Variants in POGZ observed in about 807,000 individuals in gnomAD.
POGZ encodes pogo transposable element with ZNF domain.
A neutral mutation model predicts 134.6 loss-of-function variants in POGZ; 17 were observed. The observed-to-expected ratio is 0.13, with a 90% CI of 0.09 to 0.19. The LOEUF is 0.19. Among genes scored for constraint, POGZ ranks in the 10% least tolerant of loss-of-function variants. The pLI, the probability that POGZ is intolerant of heterozygous loss-of-function variation, is 1.00. For missense variants in POGZ, 1,306 were observed against 1,769.7 expected (o/e 0.74, Z 4.70); for synonymous variants, 693 against 657.1 (o/e 1.05, Z -0.84).
At chr1:151,408,329 C>G in intron 14 of POGZ, 80 bp downstream of exon 14, 1 of 1,569,188 alleles carries the variant, frequency 6.4e-7, no homozygotes, top group Non-Finnish European at 8.7e-7. Context: ...TGCTAAAAAG[C>G]TACCAGATTG....
chr1:151,405,583 C>A lies in POGZ; in HGVS notation c.3452G>T (p.Gly1151Val). Reference sequence around the variant, plus strand: ...TACATCACACCAAGGTTCCCCTGTGCCCACTGTCTGCAGGGCATTCTCCTT... The same window carrying A: ...TACATCACACCAAGGTTCCCCTGTGACCACTGTCTGCAGGGCATTCTCCTT... ...DRKENALQTV[G>V]TGEPWCDVVL... Residue 1151 changes from glycine (G) to valine (V), a missense_variant, in exon 19 of 19, where the codon GGC becomes GTC. Physicochemically the swap from Gly to Val is moderately radical, Grantham distance 109 (BLOSUM62 -3). Coordinates refer to ENST00000271715, the MANE Select transcript of POGZ (RefSeq NM_015100.4). The surrounding 1 kb of genome is among the most constrained non-coding windows in gnomAD (Gnocchi z 4.9). 6.2e-7 allele frequency: 1 copy of A among 1,614,136 alleles called. No individual in the cohort carries two copies. Among genetic ancestry groups the A allele is most frequent in the East Asian group, 2.2e-5 (1 of 44,888 alleles).
chr1:151,411,846 AC>A, intron 11 of POGZ, 75 bp from the exon 12 acceptor site: 1 of 1,348,800 alleles, frequency 7.4e-7, no homozygotes, highest in Non-Finnish European at 9.9e-7. Context: ...AAAGGTAGCA[AC>A]AAAAATTTTT....
At chr1:151,433,308 T>C (rs1204197507) in intron 3 of POGZ, among the ~76,000 whole-genome samples, 1 of 152,126 alleles carries the variant, frequency 6.6e-6, no homozygotes, top group African/African-American at 2.4e-5. Flanking sequence ...TGGTGGATTG[T>C]TAGAATTTTT....
rs1166733985 is a variant in POGZ, at chr1:151,425,020, G to A, written c.1120C>T (p.Arg374Trp). 4.4e-6 allele frequency: 7 copies of A among 1,596,442 alleles called. No homozygotes were observed. Among genetic ancestry groups the A allele is most frequent in the East Asian group, 2.2e-5 (1 of 44,744 alleles). Residue 374 changes from arginine (R) to tryptophan (W), a missense_variant, in exon 8 of 19, where the codon CGG becomes TGG. Coordinates refer to ENST00000271715, the MANE Select transcript of POGZ (RefSeq NM_015100.4). Reference protein sequence around the residue: ...IPVFDLQDGGRKICPRCNAQF... With the variant: ...IPVFDLQDGGWKICPRCNAQF... Reference sequence around the variant, plus strand: ...GCATTACATCGTGGACATATTTTCCGTCCACCATCCTGGAGGTCAAATACT... The same window carrying A: ...GCATTACATCGTGGACATATTTTCCATCCACCATCCTGGAGGTCAAATACT...
chr1:151,447,445 T>C (rs1034141006), intron 1 of POGZ, among the ~76,000 whole-genome samples: 1 of 151,898 alleles, frequency 6.6e-6, no homozygotes, highest in Non-Finnish European at 1.5e-5. Context: ...ATCTAGTCAT[T>C]ATCCCAATTT....
At chr1:151,418,795 G>A (rs1656256166) in intron 10 of POGZ, among the ~76,000 whole-genome samples, 1 of 151,906 alleles carries the variant, frequency 6.6e-6, no homozygotes. Flanking sequence ...GGAAGCTAAG[G>A]TGGGTGGATC....
intron 3 of POGZ, among the ~76,000 whole-genome samples, chr1:151,432,596 G>A (rs1295328981): frequency 6.6e-6 from 1 of 152,002 alleles, no homozygotes; most frequent in Non-Finnish European, 1.5e-5. Context: ...ACATAAAAAG[G>A]GAACGCTATA....
At position 151,415,098 on chromosome 1, in the gene POGZ, C is replaced by T. The variant is rs187160592; in HGVS notation, c.1679-2702G>A. On this transcript the variant is annotated intron_variant, in intron 10 of 18. Transcript: ENST00000271715. ...GGAAGGATAGATCTCTTGTACCTTC[C>T]TAAGGCTCATCCAACCTCATCATGC... 4.1e-4 allele frequency among the ~76,000 whole-genome samples: 63 copies of T among 152,252 alleles called. 2 individuals carry two copies. The East Asian group carries it at 0.011, about 28-fold the overall frequency.
chr1:151,436,263 C>T (rs945107249), intron 3 of POGZ, among the ~76,000 whole-genome samples: 11 of 151,620 alleles, frequency 7.3e-5, no homozygotes, highest in Admixed American at 6.6e-4. Context: ...TGGCCTAGAT[C>T]CAGAACATAT....
chr1:151,423,666 T>C, intron 9 of POGZ, 115 bp from the exon 10 acceptor site: 2 of 828,524 alleles, frequency 2.4e-6, no homozygotes, highest in East Asian at 5.3e-5. Flanking sequence ...TTCCCCAGAC[T>C]TCCTGTTTGG....
At chr1:151,408,969 A>C in intron 12 of POGZ, 141 bp from the exon 13 acceptor site, 3 of 733,954 alleles carry the variant, frequency 4.1e-6, no homozygotes, top group Non-Finnish European at 6.8e-6. Context: ...GTAAGAAAGA[A>C]ATATGCAACA....
intron 2 of POGZ, among the ~76,000 whole-genome samples, chr1:151,441,822 A>C (rs945635640): frequency 3.9e-5 from 6 of 152,236 alleles, no homozygotes; most frequent in African/African-American, 7.2e-5. Context: ...TAGTAAGAAG[A>C]CTGCTAGATA....
chr1:151,455,472 G>C (rs1162951878), intron 1 of POGZ, among the ~76,000 whole-genome samples: 1 of 152,130 alleles, frequency 6.6e-6, no homozygotes, highest in Non-Finnish European at 1.5e-5. Flanking sequence ...CAGAAACATA[G>C]GACTGACTGA....
rs1653074715 is a variant in POGZ at position 151,403,591 on chromosome 1, ATTT to A, written c.*1208_*1210del. ...ATCCCTCATGCAAATTGTAGAAAAA[ATTT>A]TCTTTCCTTGAAGCTGGCAGTGAAA... On this transcript the variant is annotated 3_prime_UTR_variant, in exon 19 of 19. Coordinates refer to ENST00000271715, the MANE Select transcript of POGZ (RefSeq NM_015100.4). 8.1e-6 allele frequency: 8 copies of A among 985,408 alleles called. No homozygotes were observed. Among genetic ancestry groups the A allele is most frequent in the Non-Finnish European group, 9.6e-6 (8 of 829,890 alleles). The allele number at this position is 985,408 out of a possible 1,614,324, so 61.0% of individuals were successfully genotyped here. A position where few individuals can be genotyped will look rare whatever the true frequency, so the allele number is the denominator to read the frequency against.
chr1:151,426,407 T>TG (rs1378677087), intron 7 of POGZ: 1 of 152,014 alleles, frequency 6.6e-6, no homozygotes, highest in African/African-American at 2.4e-5. Context: ...AGGCTGGTCT[T>TG]GGACTCCTGA....
At position 151,405,427 on chromosome 1, in the gene POGZ, T is replaced by C. The variant is rs778643161; in HGVS notation, c.3608A>G (p.Glu1203Gly). Residue 1203 changes from glutamate (E) to glycine (G), a missense_variant, in exon 19 of 19, where the codon GAG becomes GGG. Physicochemically the swap from Glu to Gly is moderately conservative, Grantham distance 98. Around this residue, in one of 10 missense-constraint regions of POGZ, gnomAD observed 161 missense variants for 185.4 expected, o/e 0.87. Transcript: ENST00000271715. This position sits in a 1 kb window ranked among gnomAD's most constrained non-coding sequence, Gnocchi z 4.9. Reference protein sequence around the residue: ...EAKESGYSDDEIMELWSTRVW... With the variant: ...EAKESGYSDDGIMELWSTRVW... ...TCGAGTTGACCACAGCTCCATGATC[T>C]CGTCATCACTGTAGCCACTCTCCTT... 6.2e-7 allele frequency: 1 copy of C among 1,614,194 alleles called. No individual in the cohort carries two copies.
At chr1:151,442,419 A>G in intron 1 of POGZ, 1 of 381,090 alleles carries the variant, frequency 2.6e-6, no homozygotes, top group Non-Finnish European at 4.7e-6. Flanking sequence ...TTTAATAATT[A>G]GGGTTACAGG....
chr1:151,427,868 C>T lies in POGZ; in HGVS notation c.1033G>A (p.Ala345Thr), dbSNP rs759824726. The change falls in exon 7 of 19, where the codon GCT (alanine) becomes ACT (threonine). Residue 345 changes from alanine to threonine, a missense_variant. Ala to Thr is a moderately conservative substitution (Grantham distance 58). Around this residue, in one of 10 missense-constraint regions of POGZ, gnomAD observed 541 missense variants for 680.5 expected, o/e 0.80. Transcript: ENST00000271715. ...GPVVVSNNSS[A>T]HGSQRTSGPE... Reference sequence around the variant, plus strand: ...CCGCTGGTTCTTTGAGAGCCATGAGCAGAGCTGTTGTTGGACACCACCACT... The same window carrying T: ...CCGCTGGTTCTTTGAGAGCCATGAGTAGAGCTGTTGTTGGACACCACCACT... The T allele has an allele frequency of 6.2e-7, 1 of 1,614,072 alleles. No individual in the cohort carries two copies. The highest frequency in any genetic ancestry group is 8.5e-7 in the Non-Finnish European group (1 of 1,179,968).
chr1:151,420,857 A>C (rs1425696009), intron 10 of POGZ, among the ~76,000 whole-genome samples: 2 of 152,094 alleles, frequency 1.3e-5, no homozygotes, highest in African/African-American at 4.8e-5. Flanking sequence ...TATGCTGTTA[A>C]AATTAATTTT....
Sources: gnomAD v4.1 joint callset for allele counts (sites outside exome capture counted in the v4.1 genomes callset) on GRCh38, gnomAD v4.1.1 for gene constraint, gnomAD v4.1.1 regional missense constraint, Gnocchi (gnomAD v3.1) non-coding constraint, MANE v1.5 for transcripts, NCBI Gene and HGNC (gene_info 2026-07-23, HGNC 2026-07-21) for gene names.